RIC1: variants seen among roughly 807,000 people sequenced by gnomAD.
RIC1 encodes the protein RIC1 partner of RAB6A GEF complex.
Under a neutral mutation model 169.0 loss-of-function variants are expected in RIC1, and 88 were observed. That is an observed-to-expected ratio of 0.52 (90% CI 0.44 to 0.62). The LOEUF (loss-of-function observed/expected upper bound fraction) is 0.62. Among genes scored for constraint, RIC1 ranks in the 20% least tolerant of loss-of-function variants. RIC1 has a pLI of 0.00. For missense variants in RIC1, 1,877 were observed against 1,725.5 expected (o/e 1.09, Z -1.56); for synonymous variants, 790 against 601.5 (o/e 1.31, Z -4.59).
Position 5,773,988 on chromosome 9 carries a change from T to C in RIC1, c.4014T>C (p.Ile1338=), listed in dbSNP as rs945961482. ...GATATAAGCCATTTTTAAACATCAT[T>C]AAGCCACAACTGCAGAAGCTCAGTG... ...CPGYKPFLNI[I]KPQLQKLSEI... is the part of the protein sequence containing the mutation. The change falls in exon 26 of 26, where the codon ATT becomes ATC. Residue 1338 remains isoleucine, a synonymous_variant. Coordinates refer to ENST00000414202, the MANE Select transcript of RIC1 (RefSeq NM_020829.4). 4.3e-6 allele frequency: 7 copies of C among 1,610,894 alleles called. No individual in the cohort carries two copies.
chr9:5,668,616 T>C (rs1819919274), intron 2 of RIC1, among the ~76,000 whole-genome samples: 1 of 152,192 alleles, frequency 6.6e-6, no homozygotes, highest in African/African-American at 2.4e-5. Context: ...ATTTCAAATG[T>C]CTTATTTTCA....
At chr9:5,716,718 G>A (rs138842919) in intron 4 of RIC1, among the ~76,000 whole-genome samples, 1 of 152,306 alleles carries the variant, frequency 6.6e-6, no homozygotes, top group African/African-American at 2.4e-5. Flanking sequence ...TCCTTCAGTT[G>A]GCCAGATTTT....
At chr9:5,675,679 C>T (rs951824128) in intron 2 of RIC1, among the ~76,000 whole-genome samples, 1 of 151,582 alleles carries the variant, frequency 6.6e-6, no homozygotes, top group Admixed American at 6.6e-5. Flanking sequence ...TCCCTCTGTA[C>T]TGTCTAGTGG....
chr9:5,750,300 A>G, intron 12 of RIC1, among the ~76,000 whole-genome samples: 1 of 151,924 alleles, frequency 6.6e-6, no homozygotes, highest in Admixed American at 6.5e-5. Flanking sequence ...TGAAAGGTAC[A>G]TAAATCTATT....
Position 5,629,296 on chromosome 9 carries a change from G to A in RIC1, c.-14G>A, listed in dbSNP as rs533318776. 6.7e-6 allele frequency: 10 copies of A among 1,491,588 alleles called. No individual in the cohort carries two copies. In the African/African-American group the frequency reaches 8.6e-5, roughly 13 times the overall value. 92.4% of individuals were successfully genotyped at this position (1,491,588 alleles called of 1,614,324 possible). A position where few individuals can be genotyped will look rare whatever the true frequency, so the allele number is the denominator to read the frequency against. On this transcript the variant is annotated 5_prime_UTR_variant, in exon 1 of 26. Transcript: ENST00000414202. ...ACGGACGCAACTGGGGGCGCCGGGGGCTCCGCACGGACCATGTATTTTCTG... is the reference window on the plus strand; with the variant it reads ...ACGGACGCAACTGGGGGCGCCGGGGACTCCGCACGGACCATGTATTTTCTG...
intron 16 of RIC1, 131 bp downstream of exon 16, chr9:5,756,503 C>T: frequency 2.0e-6 from 1 of 495,122 alleles, no homozygotes; most frequent in Non-Finnish European, 3.3e-6. Context: ...GTAAAAAAAG[C>T]AAGGAGTTTT....
intron 7 of RIC1, among the ~76,000 whole-genome samples, chr9:5,733,761 T>G (rs1332606423): frequency 6.6e-6 from 1 of 151,986 alleles, no homozygotes; most frequent in Non-Finnish European, 1.5e-5. Flanking sequence ...GTTTGTGGAT[T>G]GGATTCAGTC....
intron 2 of RIC1, among the ~76,000 whole-genome samples, chr9:5,668,650 C>G (rs1819922032): frequency 6.6e-6 from 1 of 152,098 alleles, no homozygotes. Context: ...TTTCCGTCTG[C>G]TCAAATTTGC....
chr9:5,649,767 C>T (rs1818704309), intron 1 of RIC1, among the ~76,000 whole-genome samples: 1 of 149,572 alleles, frequency 6.7e-6, no homozygotes, highest in East Asian at 2.0e-4. Context: ...TACTTGTATA[C>T]TTACAAGTTG....
At chr9:5,759,330 C>T (rs977474841) in intron 17 of RIC1, among the ~76,000 whole-genome samples, 3 of 152,106 alleles carry the variant, frequency 2.0e-5, no homozygotes, top group Admixed American at 2.0e-4. Context: ...AAATCTTGAA[C>T]CCAAATCAAA....
At chr9:5,668,244 G>A (rs1400125239) in intron 2 of RIC1, among the ~76,000 whole-genome samples, 2 of 152,128 alleles carry the variant, frequency 1.3e-5, no homozygotes, top group Admixed American at 6.5e-5. Flanking sequence ...ATGACACAGG[G>A]GATTATGGGA....
intron 2 of RIC1, among the ~76,000 whole-genome samples, chr9:5,680,102 G>A (rs1586933151): frequency 6.6e-6 from 1 of 152,190 alleles, no homozygotes; most frequent in South Asian, 2.1e-4. Flanking sequence ...AGATAATCAT[G>A]TGGTTTTTGT....
chr9:5,684,289 C>G (rs1563897834), intron 2 of RIC1, among the ~76,000 whole-genome samples: 2 of 27,956 alleles, frequency 7.2e-5, no homozygotes, highest in African/African-American at 2.0e-4. Context: ...CCCCCCCCCC[C>G]CCCCCCCCCC....
Position 5,763,265 on chromosome 9 carries a change from GAA to G in RIC1, c.2240_2241del (p.Lys747SerfsTer8). 1 of 1,614,148 alleles carries G rather than the reference GAA, an allele frequency of 6.2e-7. No homozygotes were observed. The highest frequency in any genetic ancestry group is 2.2e-5 in the East Asian group (1 of 44,882). ...LWLSCGGAGM[K>X]VWLPLFPRDH... Reference sequence around the variant, plus strand: ...GGCTGAGCTGTGGTGGTGCAGGGATGAAAGTTTGGCTCCCTCTCTTCCCTAGG... The same window carrying G: ...GGCTGAGCTGTGGTGGTGCAGGGATGAGTTTGGCTCCCTCTCTTCCCTAGG... On this transcript the variant is annotated frameshift_variant, in exon 19 of 26. Coordinates refer to ENST00000414202, the MANE Select transcript of RIC1 (RefSeq NM_020829.4). LOFTEE classifies it high-confidence loss of function. This position sits in a 1 kb window ranked among gnomAD's most constrained non-coding sequence, Gnocchi z 5.2.
At chr9:5,748,819 C>G (rs1825544119) in intron 12 of RIC1, 1 of 152,344 alleles carries the variant, frequency 6.6e-6, no homozygotes, top group African/African-American at 2.4e-5. Context: ...ATGAAGTACC[C>G]CATATAAGAG....
chr9:5,632,651 G>A (rs1817772567), intron 1 of RIC1, among the ~76,000 whole-genome samples: 1 of 152,082 alleles, frequency 6.6e-6, no homozygotes, highest in Admixed American at 6.6e-5. Flanking sequence ...CTTGACTGGG[G>A]GCAGTTGGTA....
chr9:5,667,915 T>G (rs971761844), intron 2 of RIC1, among the ~76,000 whole-genome samples: 3 of 152,188 alleles, frequency 2.0e-5, no homozygotes, highest in Middle Eastern at 3.2e-3. Flanking sequence ...CCCCACTCTC[T>G]GCAGTACCAA....
intron 1 of RIC1, among the ~76,000 whole-genome samples, chr9:5,654,073 C>CA (rs1429580281): frequency 6.6e-6 from 1 of 152,168 alleles, no homozygotes; most frequent in Non-Finnish European, 1.5e-5. Context: ...GATCTCAGCT[C>CA]ACTGCAACCT....
At position 5,756,236 on chromosome 9, in the gene RIC1, A is replaced by C; in HGVS notation, c.1717A>C (p.Asn573His). The C allele has an allele frequency of 6.3e-7, 1 of 1,588,578 alleles. No homozygotes were observed. The highest frequency in any genetic ancestry group is 8.6e-7 in the Non-Finnish European group (1 of 1,165,736). ...GCTTAGAGTATACTTGCGAACATCA[A>C]ATCTGGACAATGCCTTTGCTCATGT... Reference protein sequence around the residue: ...EELRVYLRTSNLDNAFAHVTK... With the variant: ...EELRVYLRTSHLDNAFAHVTK... The change falls in exon 16 of 26, where the codon AAT becomes CAT. Residue 573 changes from asparagine to histidine, a missense_variant. Asn to His is a moderately conservative substitution (Grantham distance 68). Transcript: ENST00000414202.
Sources: gnomAD v4.1 joint callset for allele counts (sites outside exome capture counted in the v4.1 genomes callset) on GRCh38, gnomAD v4.1.1 for gene constraint, Gnocchi (gnomAD v3.1) non-coding constraint, MANE v1.5 for transcripts, NCBI Gene and HGNC (gene_info 2026-07-23, HGNC 2026-07-21) for gene names.